GON4L: variants seen among roughly 807,000 people sequenced by gnomAD.
GON4L encodes the protein gon-4 like.
GON4L carries 87 observed loss-of-function variants against 211.8 expected under a neutral mutation model. The ratio of observed to expected loss-of-function variants is 0.41; its 90% CI spans 0.35 to 0.49. The LOEUF (loss-of-function observed/expected upper bound fraction) is 0.49, where lower values mean the gene tolerates loss of function less well. Ranked by LOEUF, GON4L falls within the 20% of genes least tolerant of loss-of-function variation. The pLI, the probability that GON4L is intolerant of heterozygous loss-of-function variation, is 0.15. For synonymous variants in GON4L, 875 were observed against 962.6 expected, an observed-to-expected ratio of 0.91 and a Z score of 1.68; for missense variants, 2,155 against 2,659.5, an observed-to-expected ratio of 0.81 and a Z score of 4.17.
At position 155,784,064 on chromosome 1, in the gene GON4L, T is replaced by G. The variant is rs1309378044; in HGVS notation, c.1814A>C (p.Asn605Thr). Reference protein sequence around the residue: ...ETFQDEMGFSNMEDDGPEEEE... With the variant: ...ETFQDEMGFSTMEDDGPEEEE... Reference sequence around the variant, plus strand: ...CTCTTCTGGGCCATCATCTTCCATGTTGGAGAATCCCATCTCATCTTGGAA... The same window carrying G: ...CTCTTCTGGGCCATCATCTTCCATGGTGGAGAATCCCATCTCATCTTGGAA... Residue 605 changes from asparagine (N) to threonine (T), a missense_variant, in exon 14 of 32, where the codon AAC (asparagine) becomes ACC (threonine). Physicochemically the swap from Asn to Thr is moderately conservative, Grantham distance 65. This residue lies in a region of GON4L where 551 missense variants were observed against 854.0 expected (regional missense o/e 0.65). Transcript: ENST00000368331. 6 of 1,614,112 alleles carry G rather than the reference T, an allele frequency of 3.7e-6. No individual in the cohort carries two copies. The highest frequency in any genetic ancestry group is 5.1e-6 in the Non-Finnish European group (6 of 1,179,964).
At chr1:155,772,941 T>C in intron 18 of GON4L, 125 bp downstream of exon 18, 1 of 1,299,076 alleles carries the variant, frequency 7.7e-7, no homozygotes. Flanking sequence ...TCTATATTGC[T>C]TTTCCTTTTG....
chr1:155,754,296 T>C, intron 28 of GON4L, 79 bp downstream of exon 28: 1 of 870,512 alleles, frequency 1.1e-6, no homozygotes, highest in Non-Finnish European at 2.0e-6. Flanking sequence ...TTTTTAGGAA[T>C]TCAGTAAGGT....
intron 29 of GON4L, 104 bp downstream of exon 29, chr1:155,753,100 T>C (rs753727993): frequency 8.4e-6 from 7 of 832,862 alleles, no homozygotes; most frequent in Non-Finnish European, 1.4e-5. Flanking sequence ...AGGTGGTATA[T>C]CCATCCCTGA....
At chr1:155,748,096 C>T, downstream of GON4L, 1 of 1,608,628 alleles carries the variant, frequency 6.2e-7, no homozygotes, top group Non-Finnish European at 8.5e-7. Context: ...CGACCTGAGC[C>T]ACCTGTCAAC....
In GON4L at chr1:155,771,168, G is replaced by T; in HGVS notation, c.2545C>A (p.Pro849Thr). ...GTTAGAAGGTACTTGCTGATTAGAGGATTAGGAAACTCAGTTCCTTCAAAA... is the reference window on the plus strand; with the variant it reads ...GTTAGAAGGTACTTGCTGATTAGAGTATTAGGAAACTCAGTTCCTTCAAAA... The part of the protein sequence containing the change: ...KHFEGTEFPN[P>T]LISKYLLTCK... The change falls in exon 19 of 32, where the codon CCT (proline) becomes ACT (threonine). Residue 849 changes from proline (P) to threonine (T), a missense_variant. Pro to Thr is a conservative substitution (Grantham distance 38). Coordinates refer to ENST00000368331, the MANE Select transcript of GON4L (RefSeq NM_001282860.2). 1 of 1,614,142 alleles carries T rather than the reference G, an allele frequency of 6.2e-7. No individual in the cohort carries two copies. Among genetic ancestry groups the T allele is most frequent in the Non-Finnish European group, 8.5e-7 (1 of 1,180,000 alleles).
chr1:155,844,149 T>C (rs1671022462), intron 2 of GON4L, among the ~76,000 whole-genome samples: 1 of 152,230 alleles, frequency 6.6e-6, no homozygotes, highest in East Asian at 1.9e-4. Context: ...GCAGGGGCTT[T>C]GCATACCACA....
chr1:155,745,262 A>T (rs1349802747), downstream of GON4L, among the ~76,000 whole-genome samples: 1 of 152,260 alleles, frequency 6.6e-6, no homozygotes, highest in Non-Finnish European at 1.5e-5. Context: ...TACTCTATTT[A>T]CATAAAGTGT....
chr1:155,854,039 G>A (rs944968367), intron 1 of GON4L, among the ~76,000 whole-genome samples: 2 of 152,088 alleles, frequency 1.3e-5, no homozygotes, highest in Admixed American at 6.5e-5. Context: ...ATTTAACCTC[G>A]CAAGTCTTCA....
chr1:155,814,597 T>C (rs867741922), intron 8 of GON4L, 148 bp from the exon 9 acceptor site: 61 of 833,130 alleles, frequency 7.3e-5, no homozygotes, highest in African/African-American at 6.1e-4. Flanking sequence ...AATACAAAAA[T>C]AAGCCAGGCG....
chr1:155,853,123 A>AG (rs1557936914), intron 2 of GON4L, among the ~76,000 whole-genome samples, 153 bp downstream of exon 2: 1 of 152,184 alleles, frequency 6.6e-6, no homozygotes, highest in East Asian at 1.9e-4. Flanking sequence ...GAAAAAAAAA[A>AG]AGTTCACTGT....
intron 6 of GON4L, among the ~76,000 whole-genome samples, chr1:155,818,261 C>T (rs898530781): frequency 4.6e-5 from 7 of 151,964 alleles, no homozygotes; most frequent in African/African-American, 1.7e-4. Context: ...TACAGGCGCC[C>T]ACCACACGCC....
At chr1:155,842,009 C>CG (rs1198705786) in intron 2 of GON4L, among the ~76,000 whole-genome samples, 1 of 151,180 alleles carries the variant, frequency 6.6e-6, no homozygotes, top group Non-Finnish European at 1.5e-5. Context: ...GCCTGAGTGA[C>CG]AGAGCAAGAC....
chr1:155,789,629 A>T (rs879395661), intron 12 of GON4L, among the ~76,000 whole-genome samples: 1 of 152,154 alleles, frequency 6.6e-6, no homozygotes, highest in Non-Finnish European at 1.5e-5. Context: ...AAAGAAAAAA[A>T]AGTGAAGTAT....
chr1:155,816,290 G>C (rs1331036478), intron 6 of GON4L, 28 bp from the exon 7 acceptor site: 19 of 1,027,122 alleles, frequency 1.8e-5, no homozygotes, highest in Non-Finnish European at 2.9e-5. Context: ...AAATAATTAA[G>C]TTATCTTAAC....
chr1:155,778,586 G>A (rs1446558026), intron 14 of GON4L, among the ~76,000 whole-genome samples: 1 of 152,134 alleles, frequency 6.6e-6, no homozygotes, highest in Admixed American at 6.6e-5. Flanking sequence ...GAATACATGT[G>A]CAGGACATGG....
intron 13 of GON4L, chr1:155,785,064 C>T (rs1664807662): frequency 2.0e-6 from 1 of 488,064 alleles, no homozygotes; most frequent in East Asian, 4.6e-5. Context: ...TTCACCACTG[C>T]ACTCTGGCTT....
chr1:155,798,578 T>TTTC (rs1666320140), intron 11 of GON4L, among the ~76,000 whole-genome samples: 1 of 140,190 alleles, frequency 7.1e-6, no homozygotes, highest in African/African-American at 2.6e-5. Context: ...TCAGGCTAAT[T>TTTC]TTTTTTTTTT....
chr1:155,773,181 C>T lies in GON4L; in HGVS notation c.2380G>A (p.Val794Met), dbSNP rs1380666592. The T allele has an allele frequency of 6.2e-7, 1 of 1,614,102 alleles. No homozygotes were observed. Among genetic ancestry groups the T allele is most frequent in the Non-Finnish European group, 8.5e-7 (1 of 1,179,974 alleles). The change falls in exon 18 of 32, where the codon GTG becomes ATG. Residue 794 changes from valine to methionine, a missense_variant. Around this residue, in one of 6 missense-constraint regions of GON4L, gnomAD observed 551 missense variants for 854.0 expected, o/e 0.65. Transcript: ENST00000368331. ...ANEFPCLPKQ[V>M]AWILATSKVF... The stretch of plus-strand genomic sequence containing the variant: ...TTGCTTGTGGCCAGAATCCAAGCCA[C>T]TTGCTTTGGCAAACAGGGAAATTCA...
intron 23 of GON4L, among the ~76,000 whole-genome samples, chr1:155,761,877 G>C (rs1413901823): frequency 6.6e-6 from 1 of 152,108 alleles, no homozygotes; most frequent in Non-Finnish European, 1.5e-5. Context: ...CAAGCCAAAG[G>C]TTCTATAAAG....
Sources: allele counts gnomAD v4.1 joint callset (sites outside exome capture counted in the v4.1 genomes callset), GRCh38; gene constraint gnomAD v4.1.1; regional missense constraint gnomAD v4.1.1; transcripts MANE v1.5; gene names NCBI Gene and HGNC (gene_info 2026-07-23, HGNC 2026-07-21).